The following ALK variants were observed in gnomAD, a reference collection of about 807,000 sequenced individuals.
The protein encoded by ALK is ALK receptor tyrosine kinase.
Under a neutral mutation model 163.1 loss-of-function variants are expected in ALK, and 74 were observed. That is an observed-to-expected ratio of 0.45 (90% CI 0.38 to 0.55). The LOEUF (loss-of-function observed/expected upper bound fraction) is 0.55. Ranked by LOEUF, ALK falls within the 20% of genes least tolerant of loss-of-function variation. ALK has a pLI of 0.00. For synonymous variants in ALK, 960 were observed against 843.2 expected (o/e 1.14, Z -2.40); for missense variants, 2,063 against 2,105.3 (o/e 0.98, Z 0.39).
intron 4 of ALK, among the ~76,000 whole-genome samples, chr2:29,502,922 T>C (rs1226614211): frequency 6.6e-6 from 1 of 152,110 alleles, no homozygotes; most frequent in Admixed American, 6.5e-5. Context: ...AGGTATGCAG[T>C]GAATCCAAAA....
Position 29,753,597 on chromosome 2 carries a change from G to T in ALK, c.668-35900C>A, listed in dbSNP as rs144327707. Among the ~76,000 whole-genome samples, 21 of 152,302 alleles carry T rather than the reference G, an allele frequency of 1.4e-4. No individual in the cohort carries two copies. The East Asian group carries it at 3.7e-3, about 27-fold the overall frequency. On this transcript the variant is annotated intron_variant, in intron 1 of 28. Coordinates refer to ENST00000389048, the MANE Select transcript of ALK (RefSeq NM_004304.5). ...ACAATAAAAGCTAGGGAGTTGGAGGGATTAAGGAGGGAAAAAATCAATTGT... is the reference window on the plus strand; with the variant it reads ...ACAATAAAAGCTAGGGAGTTGGAGGTATTAAGGAGGGAAAAAATCAATTGT...
chr2:29,606,206 T>C (rs1675538141), intron 3 of ALK, among the ~76,000 whole-genome samples: 1 of 152,208 alleles, frequency 6.6e-6, no homozygotes, highest in African/African-American at 2.4e-5. Context: ...TCCCCTCCCC[T>C]GTCTCCCTCA....
intron 1 of ALK, among the ~76,000 whole-genome samples, chr2:29,868,025 G>A (rs1666483342): frequency 6.6e-6 from 1 of 152,152 alleles, no homozygotes; most frequent in South Asian, 2.1e-4. Flanking sequence ...ACAGGTGTGT[G>A]TAATCTGGGA....
chr2:29,456,471 A>G (rs1449243213), intron 4 of ALK, among the ~76,000 whole-genome samples: 1 of 152,202 alleles, frequency 6.6e-6, no homozygotes, highest in Non-Finnish European at 1.5e-5. Flanking sequence ...AAAAAGACAA[A>G]TATTGTATGA....
chr2:29,267,592 T>C (rs1665253485), intron 11 of ALK, among the ~76,000 whole-genome samples: 1 of 152,168 alleles, frequency 6.6e-6, no homozygotes, highest in Non-Finnish European at 1.5e-5. Flanking sequence ...CCATGATAGC[T>C]AAGGCAATTC....
chr2:29,920,489 G>A lies in ALK; in HGVS notation c.171C>T (p.Asp57=), dbSNP rs138165457. ...SRLQRKSLAV[D]FVVPSLFRVY... is the part of the protein sequence containing the mutation. ...CACGGAAGAGCGAGGGCACCACGAA[G>A]TCAACTGCCAGACTCTTCCTCTGCA... is the stretch of plus-strand genomic sequence containing the variant. The change falls in exon 1 of 29, where the codon GAC becomes GAT. Residue 57 remains aspartate (D), a synonymous_variant. Transcript: ENST00000389048. 3.0e-5 allele frequency: 49 copies of A among 1,613,072 alleles called. No individual in the cohort carries two copies. Among genetic ancestry groups the A allele is most frequent in the Non-Finnish European group, 3.9e-5 (46 of 1,179,724 alleles).
At chr2:29,529,655 C>G (rs570814452) in intron 4 of ALK, among the ~76,000 whole-genome samples, 2 of 152,252 alleles carry the variant, frequency 1.3e-5, no homozygotes, top group South Asian at 2.1e-4. Context: ...ACAAGAGTAG[C>G]TCTGCGCTGC....
At chr2:29,217,930 C>A (rs1327992495) in intron 23 of ALK, among the ~76,000 whole-genome samples, 1 of 152,312 alleles carries the variant, frequency 6.6e-6, no homozygotes, top group Non-Finnish European at 1.5e-5. Flanking sequence ...CCTCCTTTAT[C>A]CTGTGTAGGA....
chr2:29,860,869 G>A lies in ALK; in HGVS notation c.667+59124C>T, dbSNP rs1390395646. 3.3e-5 allele frequency among the ~76,000 whole-genome samples: 5 copies of A among 152,226 alleles called. No homozygotes were observed. The South Asian group carries it at 6.2e-4, about 19-fold the overall frequency. ...AAAACTTATGAGATGCAGCAAAGGC[G>A]ATTATAAAAGGTAAGTTTATAGCAA... is the stretch of plus-strand genomic sequence containing the variant. On this transcript the variant is annotated intron_variant, in intron 1 of 28. Transcript: ENST00000389048.
intron 9 of ALK, among the ~76,000 whole-genome samples, chr2:29,291,337 C>T (rs1192564584): frequency 6.6e-6 from 1 of 151,996 alleles, no homozygotes; most frequent in East Asian, 1.9e-4. Context: ...GCACTCCAGC[C>T]TGGGTGACAG....
chr2:29,823,289 A>C (rs941205335), intron 1 of ALK, among the ~76,000 whole-genome samples: 1 of 152,200 alleles, frequency 6.6e-6, no homozygotes. Context: ...CCAGTCTCAG[A>C]TATATCATTA....
At chr2:29,517,054 G>A (rs1233748856) in intron 4 of ALK, among the ~76,000 whole-genome samples, 1 of 152,130 alleles carries the variant, frequency 6.6e-6, no homozygotes, top group Non-Finnish European at 1.5e-5. Context: ...CTTCTTCTGT[G>A]TCAGGCACTC....
At chr2:29,617,711 A>G (rs1573502428) in intron 3 of ALK, among the ~76,000 whole-genome samples, 1 of 152,196 alleles carries the variant, frequency 6.6e-6, no homozygotes, top group African/African-American at 2.4e-5. Context: ...TCCTTGCTGT[A>G]TCGGGAGCAC....
chr2:29,413,136 G>C (rs979832532), intron 4 of ALK, among the ~76,000 whole-genome samples: 2 of 152,132 alleles, frequency 1.3e-5, no homozygotes, highest in African/African-American at 4.8e-5. Flanking sequence ...AGTGGATTTT[G>C]TGTGCTTAGG....
At chr2:29,477,447 A>G (rs1348795405) in intron 4 of ALK, among the ~76,000 whole-genome samples, 2 of 152,214 alleles carry the variant, frequency 1.3e-5, no homozygotes, top group African/African-American at 2.4e-5. Flanking sequence ...CTTGGCACAC[A>G]TATGTATTCA....
chr2:29,818,650 C>T (rs1470241962), intron 1 of ALK, among the ~76,000 whole-genome samples: 1 of 152,242 alleles, frequency 6.6e-6, no homozygotes, highest in African/African-American at 2.4e-5. Flanking sequence ...TTCTGTCCAC[C>T]GTGCCTCCAG....
chr2:29,781,797 C>A (rs937374063), intron 1 of ALK, among the ~76,000 whole-genome samples: 1 of 152,192 alleles, frequency 6.6e-6, no homozygotes, highest in South Asian at 2.1e-4. Context: ...GGGCTGTCTT[C>A]TTTGTCTCCT....
At chr2:29,655,388 T>C (rs932065969) in intron 3 of ALK, among the ~76,000 whole-genome samples, 3 of 152,162 alleles carry the variant, frequency 2.0e-5, no homozygotes, top group Non-Finnish European at 4.4e-5. Flanking sequence ...CAAATAATAA[T>C]ACACCAGTTC....
chr2:29,292,953 A>G (rs1339686044), intron 9 of ALK, among the ~76,000 whole-genome samples: 1 of 152,192 alleles, frequency 6.6e-6, no homozygotes, highest in African/African-American at 2.4e-5. Context: ...TCTCAAGTGC[A>G]CAACTCTAGT....
Sources: allele counts gnomAD v4.1 joint callset (sites outside exome capture counted in the v4.1 genomes callset), GRCh38; gene constraint gnomAD v4.1.1; transcripts MANE v1.5; gene names NCBI Gene and HGNC (gene_info 2026-07-23, HGNC 2026-07-21).